Variants in EPS8 observed in about 807,000 individuals in gnomAD.
EPS8 encodes the protein EGFR pathway substrate 8, signaling adaptor, also known as epidermal growth factor receptor kinase substrate 8.
In EPS8, 42 loss-of-function variants were observed where a neutral mutation model predicts 103.8. The ratio of observed to expected loss-of-function variants is 0.40; its 90% CI spans 0.32 to 0.52. The LOEUF is 0.52. Among genes scored for constraint, EPS8 ranks in the 20% least tolerant of loss-of-function variants. The pLI is 0.40. For synonymous variants in EPS8, 344 were observed against 344.6 expected, an observed-to-expected ratio of 1.00 and a Z score of 0.02; for missense variants, 969 against 1,005.1, an observed-to-expected ratio of 0.96 and a Z score of 0.49.
chr12:15,637,808 C>T (rs1233557038), intron 17 of EPS8, among the ~76,000 whole-genome samples: 1 of 152,180 alleles, frequency 6.6e-6, no homozygotes, highest in East Asian at 1.9e-4. Context: ...TCACGCTGCT[C>T]TTGATACAGC....
chr12:15,638,474 G>A (rs1319056705), intron 17 of EPS8, among the ~76,000 whole-genome samples: 1 of 152,010 alleles, frequency 6.6e-6, no homozygotes, highest in African/African-American at 2.4e-5. Context: ...TTTCAAAGTA[G>A]GGCCCTCAAC....
rs1945239447 is a variant in EPS8, at chr12:15,641,980, A to C, written c.1569-150T>G. The C allele has an allele frequency of 9.2e-6, 4 of 433,368 alleles. No individual in the cohort carries two copies. The South Asian group carries it at 2.3e-4, about 25-fold the overall frequency. The allele number at this position is 433,368 out of a possible 1,614,324, so 26.8% of individuals were successfully genotyped here. On this transcript the variant is annotated intron_variant, in intron 15 of 20. Transcript: ENST00000281172. The stretch of plus-strand genomic sequence containing the variant: ...ATTATATTTTACATTATGATAAATA[A>C]AAGTTACTTTAAAGTTCTTGCTTTT...
At chr12:15,637,616 G>A (rs7313464) in intron 17 of EPS8, among the ~76,000 whole-genome samples, 1,856 of 152,316 alleles carry the variant, frequency 0.012, 33 homozygotes, top group African/African-American at 0.042. Flanking sequence ...GTTGTTTTCT[G>A]TGAATGTGAA....
chr12:15,641,595 T>G, intron 16 of EPS8, 127 bp downstream of exon 16: 2 of 465,840 alleles, frequency 4.3e-6, no homozygotes, highest in Non-Finnish European at 7.4e-6. Flanking sequence ...TAAATAGATG[T>G]AGATATTTCT....
Position 15,780,387 on chromosome 12 carries a change from A to G in EPS8, c.-22+8774T>C, listed in dbSNP as rs1353819251. Among the ~76,000 whole-genome samples the G allele has an allele frequency of 6.6e-6, 1 of 151,536 alleles. No homozygotes were observed. The highest frequency in any genetic ancestry group is 1.5e-5 in the Non-Finnish European group (1 of 67,938). On this transcript the variant is annotated intron_variant, in intron 1 of 20. Coordinates refer to ENST00000281172, the MANE Select transcript of EPS8 (RefSeq NM_004447.6). This position sits in a 1 kb window ranked among gnomAD's most constrained non-coding sequence, Gnocchi z 4.1. The stretch of plus-strand genomic sequence containing the variant: ...GCGTCTCGCTTTGCCTCAAAAATTC[A>G]TTCTATGAGACTCAAACATCACCTT...
chr12:15,720,593 G>A (rs1341495549), intron 1 of EPS8, among the ~76,000 whole-genome samples: 1 of 152,156 alleles, frequency 6.6e-6, no homozygotes, highest in Non-Finnish European at 1.5e-5. Context: ...TCAACAAATG[G>A]GGTGTTCCTT....
chr12:15,668,643 G>C (rs1019504622), intron 6 of EPS8, among the ~76,000 whole-genome samples: 1 of 151,966 alleles, frequency 6.6e-6, no homozygotes, highest in Non-Finnish European at 1.5e-5. Flanking sequence ...ATATCATCTG[G>C]GAATTACAAA....
In EPS8 at chr12:15,764,492, C is replaced by T. The variant is rs770335856; in HGVS notation, c.-22+24669G>A. Among the ~76,000 whole-genome samples, 3 of 152,118 alleles carry T rather than the reference C, an allele frequency of 2.0e-5. No individual in the cohort carries two copies. The highest frequency in any genetic ancestry group is 4.4e-5 in the Non-Finnish European group (3 of 68,018). On this transcript the variant is annotated intron_variant, in intron 1 of 20. Transcript: ENST00000281172. The surrounding 1 kb of genome is among the most constrained non-coding windows in gnomAD (Gnocchi z 4.1). ...AATATCAGACAAAGGTTACCAGAAC[C>T]GAGGACTGATTTTATGTAAACTGTA...
rs1344988619 is a variant in EPS8, at chr12:15,684,208, A to G, written c.-21-1236T>C. On this transcript the variant is annotated intron_variant, in intron 1 of 20. Coordinates refer to ENST00000281172, the MANE Select transcript of EPS8 (RefSeq NM_004447.6). This position sits in a 1 kb window ranked among gnomAD's most constrained non-coding sequence, Gnocchi z 4.9. ...CACAGAAAGCCTACATAAAGAAATAATATTCAAGATCTGGTCACTTCGAGT... is the reference window on the plus strand; with the variant it reads ...CACAGAAAGCCTACATAAAGAAATAGTATTCAAGATCTGGTCACTTCGAGT... 1 of 152,206 alleles carries G rather than the reference A, an allele frequency of 6.6e-6. No individual in the cohort carries two copies. The highest frequency in any genetic ancestry group is 2.4e-5 in the African/African-American group (1 of 41,456). The allele number at this position is 152,206 out of a possible 1,614,324, so 9.4% of individuals were successfully genotyped here.
rs550031019 is a variant in EPS8 at position 15,757,230 on chromosome 12, G to C, written c.-22+31931C>G. Among the ~76,000 whole-genome samples the C allele has an allele frequency of 6.6e-6, 1 of 152,282 alleles. No individual in the cohort carries two copies. Among genetic ancestry groups the C allele is most frequent in the South Asian group, 2.1e-4 (1 of 4,824 alleles). Reference sequence around the variant, plus strand: ...TAAATACCCTCAAAACAGTGGTGTAGAGTGAAATGTTCTTGACAAGAAACT... The same window carrying C: ...TAAATACCCTCAAAACAGTGGTGTACAGTGAAATGTTCTTGACAAGAAACT... On this transcript the variant is annotated intron_variant, in intron 1 of 20. Transcript: ENST00000281172. This position sits in a 1 kb window ranked among gnomAD's most constrained non-coding sequence, Gnocchi z 4.1.
chr12:15,657,441 C>T (rs868730557), intron 12 of EPS8, among the ~76,000 whole-genome samples: 16 of 152,140 alleles, frequency 1.1e-4, no homozygotes, highest in East Asian at 1.9e-4. Flanking sequence ...CTGCATAGCA[C>T]GTGATTTTTA....
chr12:15,665,863 G>T lies in EPS8; in HGVS notation c.629C>A (p.Pro210Gln), dbSNP rs773063073. ...AGGGGCAGGAGCTCTGGGTGGAGGC[G>T]GTATACTAGGGTCTGCATTGGAAAT... ...RMISNADPSI[P>Q]PPPRAPAPAP... is the part of the protein sequence containing the mutation. Residue 210 changes from proline to glutamine, a missense_variant, in exon 8 of 21, where the codon CCG becomes CAG. Physicochemically the swap from Pro to Gln is moderately conservative, Grantham distance 76. Transcript: ENST00000281172. 1.2e-6 allele frequency: 2 copies of T among 1,613,352 alleles called. No homozygotes were observed. The highest frequency in any genetic ancestry group is 1.3e-5 in the African/African-American group (1 of 74,800).
At chr12:15,708,827 C>A (rs894109468) in intron 1 of EPS8, among the ~76,000 whole-genome samples, 3 of 152,218 alleles carry the variant, frequency 2.0e-5, no homozygotes, top group Non-Finnish European at 4.4e-5. Flanking sequence ...TCACTATCTA[C>A]AAAGCCTGTG....
rs1946261096 is a variant in EPS8, at chr12:15,697,713, A to T, written c.-21-14741T>A. On this transcript the variant is annotated intron_variant, in intron 1 of 20. Coordinates refer to ENST00000281172, the MANE Select transcript of EPS8 (RefSeq NM_004447.6). The surrounding 1 kb of genome is among the most constrained non-coding windows in gnomAD (Gnocchi z 5.6). ...GGATTTTTTTCTTCTTTTGCCAAAA[A>T]TTACAGATGATAGTCCTACATCTGT... 6.6e-6 allele frequency among the ~76,000 whole-genome samples: 1 copy of T among 152,202 alleles called. No individual in the cohort carries two copies.
rs1326358000 is a variant in EPS8, at chr12:15,735,525, A to G, written c.-21-52553T>C. Among the ~76,000 whole-genome samples, 3 of 152,216 alleles carry G rather than the reference A, an allele frequency of 2.0e-5. No individual in the cohort carries two copies. The highest frequency in any genetic ancestry group is 7.2e-5 in the African/African-American group (3 of 41,462). On this transcript the variant is annotated intron_variant, in intron 1 of 20. Coordinates refer to ENST00000281172, the MANE Select transcript of EPS8 (RefSeq NM_004447.6). This position sits in a 1 kb window ranked among gnomAD's most constrained non-coding sequence, Gnocchi z 4.4. ...CTAACATTCTAAGATTAAAACTATG[A>G]TTTGAATCCATGTCTAATCCTAAAT...
chr12:15,635,870 C>T (rs1298421248), intron 17 of EPS8, among the ~76,000 whole-genome samples: 4 of 151,864 alleles, frequency 2.6e-5, no homozygotes, highest in East Asian at 3.9e-4. Context: ...ATATGGGAAA[C>T]GTTTTGTTGA....
intron 3 of EPS8, among the ~76,000 whole-genome samples, chr12:15,680,486 A>C (rs1945986346): frequency 6.6e-6 from 1 of 152,214 alleles, no homozygotes; most frequent in Non-Finnish European, 1.5e-5. Flanking sequence ...AGGCACACGC[A>C]GGTAAATTAA....
chr12:15,649,229 C>A (rs185347526), intron 14 of EPS8, among the ~76,000 whole-genome samples: 38 of 152,248 alleles, frequency 2.5e-4, no homozygotes, highest in African/African-American at 8.9e-4. Flanking sequence ...AAACTTATAT[C>A]CTGGGAGCCC....
chr12:15,774,784 C>T (rs918497206), intron 1 of EPS8, among the ~76,000 whole-genome samples: 2 of 151,186 alleles, frequency 1.3e-5, no homozygotes, highest in Non-Finnish European at 2.9e-5. Context: ...TATTCTTCCA[C>T]AGCCAACAAA....
Sources: gnomAD v4.1 joint callset for allele counts (sites outside exome capture counted in the v4.1 genomes callset) on GRCh38, gnomAD v4.1.1 for gene constraint, Gnocchi (gnomAD v3.1) non-coding constraint, MANE v1.5 for transcripts, NCBI Gene and HGNC (gene_info 2026-07-23, HGNC 2026-07-21) for gene names.